REG4: variants seen among roughly 807,000 people sequenced by gnomAD.
REG4 encodes the protein regenerating islet-derived protein 4.
In REG4, 16 loss-of-function variants were observed where a neutral mutation model predicts 22.3. The observed-to-expected ratio is 0.72, with a 90% CI of 0.49 to 1.09. The LOEUF (loss-of-function observed/expected upper bound fraction) is 1.09, where lower values mean the gene tolerates loss of function less well. Among genes scored for constraint, REG4 ranks in the 50% least tolerant of loss-of-function variants. REG4 has a pLI of 0.00. For missense variants in REG4, 214 were observed against 193.9 expected (o/e 1.10, Z -0.61); for synonymous variants, 71 against 69.2 (o/e 1.03, Z -0.13).
intron 4 of REG4, among the ~76,000 whole-genome samples, chr1:119,799,110 CT>C: frequency 6.6e-6 from 1 of 152,132 alleles, no homozygotes; most frequent in East Asian, 1.9e-4. Context: ...AAGTATGGGG[CT>C]TCCCGCTTTA....
chr1:119,800,850 G>A (rs1404425170), intron 3 of REG4, among the ~76,000 whole-genome samples: 1 of 152,110 alleles, frequency 6.6e-6, no homozygotes, highest in African/African-American at 2.4e-5. Context: ...TCCAAATCTG[G>A]TTGGATTTTG....
At chr1:119,808,913 T>C in intron 1 of REG4, 50 bp from the exon 2 acceptor site, 1 of 555,684 alleles carries the variant, frequency 1.8e-6, no homozygotes, top group Non-Finnish European at 3.2e-6. Context: ...AGATGCCAAC[T>C]AATACATATG....
intron 4 of REG4, 141 bp from the exon 5 acceptor site, chr1:119,798,743 G>C: frequency 1.8e-6 from 1 of 567,510 alleles, no homozygotes; most frequent in Non-Finnish European, 3.1e-6. Flanking sequence ...AGGAAAAAGA[G>C]AAAGTCATTC....
intron 3 of REG4, chr1:119,802,312 C>T (rs962426764): frequency 2.9e-5 from 29 of 983,388 alleles, no homozygotes; most frequent in Non-Finnish European, 3.5e-5. Context: ...CTTTCTAAGG[C>T]GGGAGAATAC....
At chr1:119,798,392 G>A in intron 5 of REG4, 105 bp downstream of exon 5, 1 of 830,616 alleles carries the variant, frequency 1.2e-6, no homozygotes, top group Non-Finnish European at 2.1e-6. Context: ...TTGTTGGTGT[G>A]GAATGAGGAG....
intron 2 of REG4, among the ~76,000 whole-genome samples, chr1:119,804,649 C>G (rs1654235639): frequency 6.6e-6 from 1 of 152,152 alleles, no homozygotes; most frequent in Admixed American, 6.5e-5. Flanking sequence ...TAAAACACAG[C>G]CTTTATGCCA....
chr1:119,802,213 A>T, intron 3 of REG4: 1 of 459,670 alleles, frequency 2.2e-6, no homozygotes, highest in Non-Finnish European at 2.9e-6. Context: ...TGTGTCAGTT[A>T]CTCTCAGTGT....
intron 3 of REG4, chr1:119,801,126 A>G (rs1654084084): frequency 6.6e-6 from 1 of 152,178 alleles, no homozygotes; most frequent in African/African-American, 2.4e-5. Context: ...TTATTCTGTA[A>G]CCAGAAACCT....
At chr1:119,799,553 G>A (rs371259841) in intron 4 of REG4, among the ~76,000 whole-genome samples, 172 bp downstream of exon 4, 4 of 152,152 alleles carry the variant, frequency 2.6e-5, no homozygotes, top group East Asian at 1.9e-4. Flanking sequence ...ATCCTCCACC[G>A]AGGGCCAGAA....
chr1:119,794,120 G>A lies in REG4; in HGVS notation c.*498C>T, dbSNP rs1557758409. On this transcript the variant is annotated 3_prime_UTR_variant, in exon 6 of 6. Coordinates refer to ENST00000256585, the MANE Select transcript of REG4 (RefSeq NM_032044.4). The stretch of plus-strand genomic sequence containing the variant: ...ACAATGGTTTATTAAAGGAATGTAT[G>A]GCCCACATCAACCTAGCAAGGATTC... 1 of 533,604 alleles carries A rather than the reference G, an allele frequency of 1.9e-6. No individual in the cohort carries two copies. Among genetic ancestry groups the A allele is most frequent in the Non-Finnish European group, 3.8e-6 (1 of 260,102 alleles). 33.1% of individuals were successfully genotyped at this position (533,604 alleles called of 1,614,324 possible). A position where few individuals can be genotyped will look rare whatever the true frequency, so the allele number is the denominator to read the frequency against.
rs1346228823 is a variant in REG4, at chr1:119,803,077, A to G, written c.156T>C (p.Ser52=). 1.3e-6 allele frequency: 2 copies of G among 1,598,800 alleles called. No individual in the cohort carries two copies. Among genetic ancestry groups the G allele is most frequent in the Non-Finnish European group, 1.7e-6 (2 of 1,173,714 alleles). ...YGYFRKLRNW[S]DAELECQSYG... Reference sequence around the variant, plus strand: ...GCAGCAAGTTTCTTACCTCGGCATCAGACCAGTTCCTCAGCTTCCTGAAGT... The same window carrying G: ...GCAGCAAGTTTCTTACCTCGGCATCGGACCAGTTCCTCAGCTTCCTGAAGT... The change falls in exon 3 of 6, where the codon TCT becomes TCC. Residue 52 remains serine (S), a synonymous_variant. Transcript: ENST00000256585.
At chr1:119,810,647 T>C (rs1654466316) in intron 1 of REG4, among the ~76,000 whole-genome samples, 1 of 152,244 alleles carries the variant, frequency 6.6e-6, no homozygotes, top group African/African-American at 2.4e-5. Context: ...ACAGAATTTC[T>C]CTGTCAAGGT....
intron 1 of REG4, among the ~76,000 whole-genome samples, chr1:119,810,757 A>C (rs1654470262): frequency 6.6e-6 from 1 of 152,196 alleles, no homozygotes. Context: ...CATGTTCATA[A>C]GTAAGCTGCA....
intron 1 of REG4, among the ~76,000 whole-genome samples, chr1:119,810,190 CA>C (rs1654455023): frequency 6.6e-6 from 1 of 151,904 alleles, no homozygotes; most frequent in Non-Finnish European, 1.5e-5. Flanking sequence ...AAATTTATAT[CA>C]AAAGACTGGC....
Position 119,803,048 on chromosome 1 carries a change from G to A in REG4, c.165+20C>T. On this transcript the variant is annotated intron_variant, in intron 3 of 5. Transcript: ENST00000256585. ...CTTTGCTCTAGAAAGGCCAGGCCAA[G>A]CAGGCAGCAAGTTTCTTACCTCGGC... 1.2e-6 allele frequency: 2 copies of A among 1,610,178 alleles called. No homozygotes were observed. Among genetic ancestry groups the A allele is most frequent in the Non-Finnish European group, 1.7e-6 (2 of 1,178,494 alleles).
At chr1:119,804,898 C>T (rs773304702) in intron 2 of REG4, among the ~76,000 whole-genome samples, 59 of 152,112 alleles carry the variant, frequency 3.9e-4, no homozygotes, top group Non-Finnish European at 7.8e-4. Context: ...CCTCACCCTG[C>T]AAGGTGCTTT....
chr1:119,809,748 A>C (rs1654437804), intron 1 of REG4, among the ~76,000 whole-genome samples: 1 of 152,180 alleles, frequency 6.6e-6, no homozygotes, highest in South Asian at 2.1e-4. Flanking sequence ...TTGTCATTTT[A>C]ATACCCTTTG....
At chr1:119,801,681 C>A (rs750904075) in intron 3 of REG4, 5 of 152,426 alleles carry the variant, frequency 3.3e-5, no homozygotes, top group African/African-American at 1.2e-4. Context: ...GCCAGCCATG[C>A]AAGAAGAGCC....
intron 2 of REG4, among the ~76,000 whole-genome samples, chr1:119,807,937 A>T (rs1220754606): frequency 6.6e-6 from 1 of 152,180 alleles, no homozygotes; most frequent in Non-Finnish European, 1.5e-5. Flanking sequence ...GCAATGCTCA[A>T]GTATGGATTC....
Sources: allele counts gnomAD v4.1 joint callset (sites outside exome capture counted in the v4.1 genomes callset), GRCh38; gene constraint gnomAD v4.1.1; transcripts MANE v1.5; gene names NCBI Gene and HGNC (gene_info 2026-07-23, HGNC 2026-07-21).